VAV3: variants seen among roughly 807,000 people sequenced by gnomAD.
VAV3 encodes the protein guanine nucleotide exchange factor VAV3.
A neutral mutation model predicts 131.2 loss-of-function variants in VAV3; 94 were observed. The observed-to-expected ratio is 0.72, with a 90% CI of 0.61 to 0.85. The LOEUF is 0.85. Among genes scored for constraint, VAV3 ranks in the 40% least tolerant of loss-of-function variants. The pLI is 0.00. For missense variants in VAV3, 939 were observed against 1,002.7 expected, an observed-to-expected ratio of 0.94 and a Z score of 0.86; for synonymous variants, 349 against 342.0, an observed-to-expected ratio of 1.02 and a Z score of -0.22.
intron 18 of VAV3, among the ~76,000 whole-genome samples, chr1:107,684,591 T>A (rs1218710933): frequency 6.6e-6 from 1 of 152,176 alleles, no homozygotes; most frequent in Non-Finnish European, 1.5e-5. Flanking sequence ...GAAAGCAAAT[T>A]GGAGAAATTT....
intron 2 of VAV3, among the ~76,000 whole-genome samples, chr1:107,807,778 G>T (rs1447245710): frequency 1.3e-5 from 2 of 152,160 alleles, no homozygotes; most frequent in African/African-American, 4.8e-5. Flanking sequence ...CTTATGGCAT[G>T]TTACTTTAAA....
intron 24 of VAV3, among the ~76,000 whole-genome samples, chr1:107,599,258 G>A (rs191737050): frequency 3.5e-4 from 53 of 152,210 alleles, no homozygotes; most frequent in Non-Finnish European, 6.9e-4. Context: ...TTCTAACTGG[G>A]TAGAACTAAA....
intron 15 of VAV3, among the ~76,000 whole-genome samples, chr1:107,741,422 G>C (rs1440339033): frequency 6.6e-6 from 1 of 152,192 alleles, no homozygotes; most frequent in Non-Finnish European, 1.5e-5. Context: ...AAGGGGTGCT[G>C]GTCCTCTGCA....
At position 107,573,179 on chromosome 1, in the gene VAV3, G is replaced by T; in HGVS notation, c.*152C>A. ...AGTACCAGCATCTTTAGAAATCTCAGCATTAAGACTTAGGAGGGGCTAAGG... is the reference window on the plus strand; with the variant it reads ...AGTACCAGCATCTTTAGAAATCTCATCATTAAGACTTAGGAGGGGCTAAGG... On this transcript the variant is annotated 3_prime_UTR_variant, in exon 27 of 27. Coordinates refer to ENST00000370056, the MANE Select transcript of VAV3 (RefSeq NM_006113.5). The T allele has an allele frequency of 1.3e-6, 1 of 786,408 alleles. No individual in the cohort carries two copies. Among genetic ancestry groups the T allele is most frequent in the Non-Finnish European group, 2.0e-6 (1 of 497,412 alleles). 48.7% of individuals were successfully genotyped at this position (786,408 alleles called of 1,614,324 possible). A position where few individuals can be genotyped will look rare whatever the true frequency, so the allele number is the denominator to read the frequency against.
chr1:107,847,195 G>T (rs1383640114), intron 2 of VAV3, among the ~76,000 whole-genome samples: 1 of 152,060 alleles, frequency 6.6e-6, no homozygotes. Flanking sequence ...CGAAATTAAG[G>T]CCAAAATAAA....
In VAV3 at chr1:107,739,004, T is replaced by C. The variant is rs181943709; in HGVS notation, c.1502+9964A>G. On this transcript the variant is annotated intron_variant, in intron 15 of 26. Transcript: ENST00000370056. ...CAACAACAGATGAAAGGCTCTGTTATAAAGCCTCAGGGAAACAAACACTAA... is the reference window on the plus strand; with the variant it reads ...CAACAACAGATGAAAGGCTCTGTTACAAAGCCTCAGGGAAACAAACACTAA... 9.6e-4 allele frequency among the ~76,000 whole-genome samples: 147 copies of C among 152,342 alleles called. 1 individual carries two copies. The highest frequency in any genetic ancestry group is 3.2e-3 in the African/African-American group (132 of 41,588).
At chr1:107,761,542 A>G (rs1664431791) in intron 9 of VAV3, among the ~76,000 whole-genome samples, 2 of 152,176 alleles carry the variant, frequency 1.3e-5, no homozygotes, top group African/African-American at 4.8e-5. Context: ...TCAAGAACAC[A>G]TCCCTACTCA....
At chr1:107,796,321 C>A (rs556802345) in intron 2 of VAV3, among the ~76,000 whole-genome samples, 5 of 152,132 alleles carry the variant, frequency 3.3e-5, no homozygotes, top group Non-Finnish European at 7.4e-5. Flanking sequence ...CTCTACCCAA[C>A]CAAGCTGCCC....
At chr1:107,927,641 C>T (rs368280339) in intron 1 of VAV3, among the ~76,000 whole-genome samples, 1 of 152,108 alleles carries the variant, frequency 6.6e-6, no homozygotes, top group African/African-American at 2.4e-5. Context: ...GTGGTAGTCC[C>T]GTAGTACTCC....
intron 2 of VAV3, among the ~76,000 whole-genome samples, 181 bp downstream of exon 2, chr1:107,874,720 G>A (rs1433011396): frequency 2.6e-5 from 2 of 76,872 alleles, no homozygotes; most frequent in African/African-American, 1.3e-4. Flanking sequence ...TGTATGTGTG[G>A]GGTTTCTTTT....
intron 20 of VAV3, among the ~76,000 whole-genome samples, chr1:107,631,181 T>C (rs968994432): frequency 6.6e-6 from 1 of 152,050 alleles, no homozygotes; most frequent in Non-Finnish European, 1.5e-5. Context: ...AAATATACTG[T>C]TTTATTTACA....
chr1:107,904,393 G>A (rs1049295937), intron 1 of VAV3, among the ~76,000 whole-genome samples: 3 of 152,166 alleles, frequency 2.0e-5, no homozygotes, highest in African/African-American at 7.2e-5. Flanking sequence ...TTTCTAGTAT[G>A]CATCTCACCA....
At chr1:107,776,344 T>C (rs140338379) in intron 4 of VAV3, among the ~76,000 whole-genome samples, 120 of 152,236 alleles carry the variant, frequency 7.9e-4, no homozygotes, top group African/African-American at 2.7e-3. Flanking sequence ...AGACAAACAA[T>C]AAATGAAGCA....
At chr1:107,856,362 G>A (rs1669468291) in intron 2 of VAV3, among the ~76,000 whole-genome samples, 1 of 152,096 alleles carries the variant, frequency 6.6e-6, no homozygotes, top group Non-Finnish European at 1.5e-5. Flanking sequence ...AGAGGATATT[G>A]CATTATTCTG....
intron 2 of VAV3, among the ~76,000 whole-genome samples, chr1:107,856,644 G>C (rs140465747): frequency 0.015 from 2,356 of 152,174 alleles, 47 homozygotes; most frequent in African/African-American, 0.045. Context: ...CTCTTGTTTA[G>C]TAACCAGCTT....
At position 107,573,129 on chromosome 1, in the gene VAV3, G is replaced by T; in HGVS notation, c.*202C>A. 1.6e-6 allele frequency: 1 copy of T among 620,842 alleles called. No individual in the cohort carries two copies. The highest frequency in any genetic ancestry group is 2.7e-6 in the Non-Finnish European group (1 of 365,004). The allele number at this position is 620,842 out of a possible 1,614,324, so 38.5% of individuals were successfully genotyped here. ...AGACTGGCAGGCTGTTTCTTGCACAGCTCTAGGCAAGCCATTAATCTGTCA... is the reference window on the plus strand; with the variant it reads ...AGACTGGCAGGCTGTTTCTTGCACATCTCTAGGCAAGCCATTAATCTGTCA... On this transcript the variant is annotated 3_prime_UTR_variant, in exon 27 of 27. Coordinates refer to ENST00000370056, the MANE Select transcript of VAV3 (RefSeq NM_006113.5).
intron 2 of VAV3, among the ~76,000 whole-genome samples, chr1:107,860,280 C>T (rs892761971): frequency 5.9e-5 from 9 of 152,238 alleles, no homozygotes; most frequent in Admixed American, 5.2e-4. Flanking sequence ...GGCACCACAC[C>T]TGGCTAATTT....
At chr1:107,578,183 T>C (rs1335771405) in intron 25 of VAV3, among the ~76,000 whole-genome samples, 1 of 152,232 alleles carries the variant, frequency 6.6e-6, no homozygotes, top group East Asian at 1.9e-4. Context: ...AGCCCTCATA[T>C]ACACACTGAT....
rs893592631 is a variant in VAV3, at chr1:107,810,826, C to T, written c.322-31334G>A. 2.0e-5 allele frequency among the ~76,000 whole-genome samples: 3 copies of T among 151,596 alleles called. 1 individual carries two copies. ...AGACAGCAGAAAAATGGGTGAAAAACAGAAACAATACGCGACAGGACCAGT... is the reference window on the plus strand; with the variant it reads ...AGACAGCAGAAAAATGGGTGAAAAATAGAAACAATACGCGACAGGACCAGT... On this transcript the variant is annotated intron_variant, in intron 2 of 26. Transcript: ENST00000370056.
Sources: gnomAD v4.1 joint callset for allele counts (sites outside exome capture counted in the v4.1 genomes callset) on GRCh38, gnomAD v4.1.1 for gene constraint, MANE v1.5 for transcripts, NCBI Gene and HGNC (gene_info 2026-07-23, HGNC 2026-07-21) for gene names.